The following RERE variants were observed in gnomAD, a reference collection of about 807,000 sequenced individuals.
The protein encoded by RERE is arginine-glutamic acid dipeptide repeats protein.
A neutral mutation model predicts 146.1 loss-of-function variants in RERE; 40 were observed. The ratio of observed to expected loss-of-function variants is 0.27; its 90% CI spans 0.21 to 0.36. RERE has a LOEUF of 0.36. Ranked by LOEUF, RERE falls within the 10% of genes least tolerant of loss-of-function variation. The pLI, the probability that RERE is intolerant of heterozygous loss-of-function variation, is 1.00. For missense variants in RERE, 1,933 were observed against 2,138.7 expected (o/e 0.90, Z 1.90); for synonymous variants, 1,003 against 866.0 (o/e 1.16, Z -2.78).
At chr1:8,795,577 T>G (rs1364618582) in intron 1 of RERE, among the ~76,000 whole-genome samples, 3 of 152,140 alleles carry the variant, frequency 2.0e-5, no homozygotes, top group Non-Finnish European at 4.4e-5. Flanking sequence ...AAGCCCATAG[T>G]TCAGGTGGAA....
chr1:8,359,991 G>C lies in RERE; in HGVS notation c.3396-5C>G. 7 of 1,612,004 alleles carry C rather than the reference G, an allele frequency of 4.3e-6. No individual in the cohort carries two copies. The highest frequency in any genetic ancestry group is 5.9e-6 in the Non-Finnish European group (7 of 1,179,548). On this transcript the variant is annotated splice_region_variant and splice_polypyrimidine_tract_variant and intron_variant, in intron 18 of 22. Transcript: ENST00000400908. The stretch of plus-strand genomic sequence containing the variant: ...CGGTCCAGGTGTTTGTAGAACCTGA[G>C]AAAAGCCACAGATCTTGCTGGGAGC...
intron 11 of RERE, among the ~76,000 whole-genome samples, chr1:8,459,316 A>T (rs189782614): frequency 6.6e-6 from 1 of 152,306 alleles, no homozygotes; most frequent in African/African-American, 2.4e-5. Flanking sequence ...GTAATATATC[A>T]ACATTTCTAT....
At chr1:8,760,860 T>C (rs1640744208) in intron 1 of RERE, among the ~76,000 whole-genome samples, 1 of 152,186 alleles carries the variant, frequency 6.6e-6, no homozygotes, top group Non-Finnish European at 1.5e-5. Context: ...AGGGCAACAT[T>C]AGCTACCATT....
chr1:8,463,313 A>C (rs904568584), intron 11 of RERE, among the ~76,000 whole-genome samples: 1 of 152,182 alleles, frequency 6.6e-6, no homozygotes, highest in African/African-American at 2.4e-5. Flanking sequence ...CATTTTTCAA[A>C]CCAAGAAGCA....
chr1:8,605,845 CTTTTTT>C (rs60346942), intron 4 of RERE, among the ~76,000 whole-genome samples: 1 of 93,214 alleles, frequency 1.1e-5, no homozygotes, highest in Non-Finnish European at 1.9e-5. Context: ...AAATACCAAA[CTTTTTT>C]TTTTTTTTTT....
intron 11 of RERE, among the ~76,000 whole-genome samples, chr1:8,449,599 GCA>G (rs763289028): frequency 5.9e-5 from 9 of 152,150 alleles, no homozygotes; most frequent in Non-Finnish European, 1.0e-4. Context: ...TATGAAAAAC[GCA>G]CAGATTGCTC....
chr1:8,616,783 A>G (rs1447788334), intron 3 of RERE, among the ~76,000 whole-genome samples: 1 of 152,198 alleles, frequency 6.6e-6, no homozygotes, highest in Non-Finnish European at 1.5e-5. Context: ...CAAGTGCCCA[A>G]CCCTGACTGG....
intron 1 of RERE, among the ~76,000 whole-genome samples, chr1:8,716,783 A>T (rs1366235744): frequency 3.9e-5 from 6 of 152,144 alleles, no homozygotes; most frequent in Admixed American, 3.3e-4. Flanking sequence ...CCTGGTGAAG[A>T]AAGTAATAAA....
rs1258367391 is a variant in RERE, at chr1:8,354,925, A to C, written c.*162T>G. 1 of 631,456 alleles carries C rather than the reference A, an allele frequency of 1.6e-6. No homozygotes were observed. Among genetic ancestry groups the C allele is most frequent in the Non-Finnish European group, 2.7e-6 (1 of 366,764 alleles). The allele number at this position is 631,456 out of a possible 1,614,324, so 39.1% of individuals were successfully genotyped here. A position where few individuals can be genotyped will look rare whatever the true frequency, so the allele number is the denominator to read the frequency against. ...CTCAGGAAATCCTCTCGACAAACGA[A>C]CACTACTATGTGGATACATTTTTAG... On this transcript the variant is annotated 3_prime_UTR_variant, in exon 23 of 23. Transcript: ENST00000400908.
At chr1:8,535,378 A>G (rs982858536) in intron 7 of RERE, among the ~76,000 whole-genome samples, 2 of 152,174 alleles carry the variant, frequency 1.3e-5, no homozygotes, top group African/African-American at 4.8e-5. Flanking sequence ...CATGGTAATA[A>G]TATTTTCATT....
At chr1:8,596,119 G>C (rs1646552736) in intron 4 of RERE, among the ~76,000 whole-genome samples, 1 of 152,180 alleles carries the variant, frequency 6.6e-6, no homozygotes, top group Non-Finnish European at 1.5e-5. Context: ...ATTGTCTATG[G>C]CTAAGTTGAG....
chr1:8,728,259 A>G (rs371472349), intron 1 of RERE, among the ~76,000 whole-genome samples: 3 of 152,234 alleles, frequency 2.0e-5, no homozygotes, highest in African/African-American at 7.2e-5. Context: ...GTAAATTAAA[A>G]TCATTCCTCT....
chr1:8,494,925 G>T, intron 10 of RERE, 138 bp downstream of exon 10: 1 of 653,766 alleles, frequency 1.5e-6, no homozygotes. Context: ...GAGCCCCCAT[G>T]GCACCCAACA....
intron 1 of RERE, among the ~76,000 whole-genome samples, chr1:8,670,202 C>A (rs894856896): frequency 1.3e-5 from 2 of 152,182 alleles, no homozygotes; most frequent in Admixed American, 6.5e-5. Context: ...AGCAGAAGAG[C>A]CACTAGAACA....
Position 8,502,192 on chromosome 1 carries a change from C to T in RERE, c.880-4663G>A, listed in dbSNP as rs373464000. The stretch of plus-strand genomic sequence containing the variant: ...GTCAGCCCCCCACCCGGCCAGCCGC[C>T]CCGTCCGGGAGGGAGGTGGGGGGAT... On this transcript the variant is annotated intron_variant, in intron 8 of 22. Coordinates refer to ENST00000400908, the MANE Select transcript of RERE (RefSeq NM_001042681.2). Among the ~76,000 whole-genome samples the T allele has an allele frequency of 7.8e-4, 59 of 75,750 alleles. No individual in the cohort carries two copies. The East Asian group carries it at 0.023, about 30-fold the overall frequency. The allele number at this position is 75,750 out of a possible 152,430, so 49.7% of individuals were successfully genotyped here.
At chr1:8,487,605 C>G (rs1644919044) in intron 10 of RERE, among the ~76,000 whole-genome samples, 1 of 152,044 alleles carries the variant, frequency 6.6e-6, no homozygotes, top group Admixed American at 6.6e-5. Context: ...CTGCATTGTA[C>G]TTAATAGTAA....
intron 1 of RERE, among the ~76,000 whole-genome samples, chr1:8,676,449 G>C (rs1412658614): frequency 6.6e-6 from 1 of 151,868 alleles, no homozygotes; most frequent in Non-Finnish European, 1.5e-5. Flanking sequence ...AAGGACTAAA[G>C]TAAGTCACAT....
intron 4 of RERE, among the ~76,000 whole-genome samples, chr1:8,584,310 C>G (rs1646401342): frequency 1.3e-5 from 2 of 152,058 alleles, no homozygotes; most frequent in South Asian, 4.1e-4. Context: ...AATCCCAATG[C>G]TTTGGGAGGC....
rs746600567 is a variant in RERE, at chr1:8,364,143, C to A, written c.1653G>T (p.Pro551=). The change falls in exon 15 of 23, where the codon CCG becomes CCT. Residue 551 remains proline, a synonymous_variant. Coordinates refer to ENST00000400908, the MANE Select transcript of RERE (RefSeq NM_001042681.2). The surrounding 1 kb of genome is among the most constrained non-coding windows in gnomAD (Gnocchi z 5.1). ...ELPPIEKPVD[P]PPFMFKPVKE... is the part of the protein sequence containing the mutation. ...TGACGGGTTTGAACATAAACGGTGG[C>A]GGGTCCACGGGCTTCTCAATGGGCG... 1.2e-5 allele frequency: 19 copies of A among 1,614,112 alleles called. No homozygotes were observed. Among genetic ancestry groups the A allele is most frequent in the Non-Finnish European group, 1.6e-5 (19 of 1,180,006 alleles).
Sources: gnomAD v4.1 joint callset for allele counts (sites outside exome capture counted in the v4.1 genomes callset) on GRCh38, gnomAD v4.1.1 for gene constraint, Gnocchi (gnomAD v3.1) non-coding constraint, MANE v1.5 for transcripts, NCBI Gene and HGNC (gene_info 2026-07-23, HGNC 2026-07-21) for gene names.